The following PTPN3 variants were observed in gnomAD, a reference collection of about 807,000 sequenced individuals.
PTPN3 encodes the protein protein tyrosine phosphatase non-receptor type 3.
Under a neutral mutation model 132.7 loss-of-function variants are expected in PTPN3, and 96 were observed. The observed-to-expected ratio is 0.72, with a 90% confidence interval of 0.61 to 0.86. The LOEUF (loss-of-function observed/expected upper bound fraction) is 0.86, where lower values mean the gene tolerates loss of function less well. Among genes scored for constraint, PTPN3 ranks in the 40% least tolerant of loss-of-function variants. PTPN3 has a pLI of 0.00. For missense variants in PTPN3, 1,125 were observed against 1,159.6 expected (o/e 0.97, Z 0.43); for synonymous variants, 398 against 429.0 (o/e 0.93, Z 0.89).
chr9:109,396,797 A>G (rs1840635373), intron 19 of PTPN3, among the ~76,000 whole-genome samples: 1 of 152,194 alleles, frequency 6.6e-6, no homozygotes, highest in South Asian at 2.1e-4. Flanking sequence ...GGTGCAATGG[A>G]TGGTTTTTTG....
At chr9:109,487,739 A>G (rs1201496011) in intron 1 of PTPN3, among the ~76,000 whole-genome samples, 1 of 152,248 alleles carries the variant, frequency 6.6e-6, no homozygotes, top group Non-Finnish European at 1.5e-5. Flanking sequence ...ATGCCAATAC[A>G]ACTTATTTCT....
the PTPN3 span, among the ~76,000 whole-genome samples, chr9:109,521,448 C>T: frequency 1.1e-4 from 17 of 152,180 alleles, no homozygotes; most frequent in Admixed American, 1.1e-3. Flanking sequence ...GCATGAGCCA[C>T]CACGCCTGGC....
chr9:109,405,861 C>T (rs1209127828), intron 18 of PTPN3, among the ~76,000 whole-genome samples: 2 of 152,214 alleles, frequency 1.3e-5, no homozygotes, highest in African/African-American at 4.8e-5. Context: ...GCTGGGATTA[C>T]AGGTGTGAGC....
chr9:109,479,590 T>G (rs1025773153), intron 1 of PTPN3, among the ~76,000 whole-genome samples: 4 of 152,228 alleles, frequency 2.6e-5, no homozygotes, highest in African/African-American at 9.7e-5. Context: ...TTTTAAAATT[T>G]TTTTGAGACA....
the PTPN3 span, among the ~76,000 whole-genome samples, chr9:109,529,374 A>G: frequency 3.3e-5 from 5 of 152,210 alleles, no homozygotes; most frequent in Non-Finnish European, 7.3e-5. Flanking sequence ...TGCTTTAACC[A>G]TCCCTTCAGG....
At chr9:109,448,902 C>CAAAAAAAAAAAAA in intron 5 of PTPN3, 47 bp from the exon 6 acceptor site, 1 of 1,290,370 alleles carries the variant, frequency 7.7e-7, no homozygotes, top group African/African-American at 2.1e-5. Flanking sequence ...CTGAAATAAG[C>CAAAAAAAAAAAAA]AAAAAAAAAA....
At chr9:109,395,013 G>A (rs1840451631) in intron 19 of PTPN3, among the ~76,000 whole-genome samples, 3 of 151,960 alleles carry the variant, frequency 2.0e-5, no homozygotes, top group South Asian at 4.2e-4. Context: ...GGCAGCAGGC[G>A]CCTGTAGTCC....
chr9:109,511,479 A>G, the PTPN3 span: 1 of 153,624 alleles, frequency 6.5e-6, no homozygotes, highest in Non-Finnish European at 1.5e-5. Context: ...CCAGTGTGCC[A>G]ATGCCTATCA....
At chr9:109,470,968 T>G (rs533614391) in intron 1 of PTPN3, among the ~76,000 whole-genome samples, 54 of 152,262 alleles carry the variant, frequency 3.5e-4, no homozygotes, top group African/African-American at 1.2e-3. Flanking sequence ...AAAAAATAAT[T>G]TTCTGGACTT....
At chr9:109,489,658 G>C (rs1847368122) in intron 1 of PTPN3, among the ~76,000 whole-genome samples, 2 of 152,104 alleles carry the variant, frequency 1.3e-5, no homozygotes, top group African/African-American at 4.8e-5. Context: ...GCTGCAGTTA[G>C]AGAAGTCTAC....
At chr9:109,383,669 G>A in intron 22 of PTPN3, 118 bp from the exon 23 acceptor site, 1 of 1,398,170 alleles carries the variant, frequency 7.2e-7, no homozygotes, top group East Asian at 2.3e-5. Context: ...AGCACTGATG[G>A]GAGAAAACAA....
At chr9:109,505,803 G>C in the PTPN3 span, among the ~76,000 whole-genome samples, 2 of 151,210 alleles carry the variant, frequency 1.3e-5, no homozygotes, top group African/African-American at 4.9e-5. Flanking sequence ...AGGCTTGAGT[G>C]CAGTGGCGTG....
intron 10 of PTPN3, 113 bp from the exon 11 acceptor site, chr9:109,428,797 T>C (rs1320915120): frequency 4.1e-6 from 6 of 1,460,816 alleles, no homozygotes; most frequent in Non-Finnish European, 5.4e-6. Flanking sequence ...TGGGGGCTCT[T>C]GGCTGCCTAG....
rs752679648 is a variant in PTPN3, at chr9:109,438,109, C to G, written c.587+5G>C. 12 of 1,612,482 alleles carry G rather than the reference C, an allele frequency of 7.4e-6. 1 individual carries two copies. Among genetic ancestry groups the G allele is most frequent in the Middle Eastern group, 1.7e-4 (1 of 6,058 alleles). On this transcript the variant is annotated splice_donor_5th_base_variant and intron_variant, in intron 8 of 25. Coordinates refer to ENST00000374541, the MANE Select transcript of PTPN3 (RefSeq NM_002829.4). Reference sequence around the variant, plus strand: ...CCCAAAGTAGGCCACCCCAGCCCCCCTCACCTGTGCTGCTCATGCAGAGAT... The same window carrying G: ...CCCAAAGTAGGCCACCCCAGCCCCCGTCACCTGTGCTGCTCATGCAGAGAT...
At chr9:109,424,203 T>A (rs928400692) in intron 12 of PTPN3, among the ~76,000 whole-genome samples, 7 of 152,218 alleles carry the variant, frequency 4.6e-5, no homozygotes, top group African/African-American at 1.7e-4. Context: ...AACAAATTTC[T>A]TTTTATGTGG....
At chr9:109,507,138 C>T in the PTPN3 span, among the ~76,000 whole-genome samples, 1 of 152,164 alleles carries the variant, frequency 6.6e-6, no homozygotes, top group Non-Finnish European at 1.5e-5. Context: ...CAAGAACTCT[C>T]ACTACTACTG....
At chr9:109,387,861 A>G (rs1353917054) in intron 22 of PTPN3, among the ~76,000 whole-genome samples, 2 of 152,350 alleles carry the variant, frequency 1.3e-5, no homozygotes, top group Middle Eastern at 3.4e-3. Context: ...AATGTTTCTA[A>G]GAAGAAACCC....
chr9:109,397,244 C>T (rs1473651544), intron 19 of PTPN3, among the ~76,000 whole-genome samples: 3 of 152,160 alleles, frequency 2.0e-5, no homozygotes, highest in Admixed American at 2.0e-4. Context: ...TTTATGGGGA[C>T]AGGAATCTCA....
At chr9:109,537,999 C>T in the PTPN3 span, among the ~76,000 whole-genome samples, 3 of 152,208 alleles carry the variant, frequency 2.0e-5, no homozygotes, top group African/African-American at 7.2e-5. Context: ...CCCTCTCATT[C>T]ACTTTTTGTG....
Sources: gnomAD v4.1 joint callset for allele counts (sites outside exome capture counted in the v4.1 genomes callset) on GRCh38, gnomAD v4.1.1 for gene constraint, MANE v1.5 for transcripts, NCBI Gene and HGNC (gene_info 2026-07-23, HGNC 2026-07-21) for gene names.